The following PRDM14 variants were observed in gnomAD, a reference collection of about 807,000 sequenced individuals.
PRDM14 encodes PR/SET domain 14.
Under a neutral mutation model 48.0 loss-of-function variants are expected in PRDM14, and 16 were observed. That is an observed-to-expected ratio of 0.33 (90% CI 0.23 to 0.51). The LOEUF is 0.51. Ranked by LOEUF, PRDM14 falls within the 20% of genes least tolerant of loss-of-function variation. PRDM14 has a pLI of 0.97. For missense variants in PRDM14, 566 were observed against 719.6 expected (o/e 0.79, Z 2.44); for synonymous variants, 264 against 276.6 (o/e 0.95, Z 0.45).
At chr8:70,057,069 C>A (rs1276752580) in intron 6 of PRDM14, among the ~76,000 whole-genome samples, 4 of 151,026 alleles carry the variant, frequency 2.6e-5, no homozygotes, top group Admixed American at 6.6e-5. Flanking sequence ...AGGTTCACGC[C>A]ATTCTCCTGC....
chr8:70,053,261 G>A (rs1035679855), intron 7 of PRDM14, among the ~76,000 whole-genome samples: 4 of 152,148 alleles, frequency 2.6e-5, no homozygotes, highest in African/African-American at 9.7e-5. Flanking sequence ...AGAAAGAGAA[G>A]CTAATATCGA....
chr8:70,059,168 T>G (rs976373412), intron 5 of PRDM14, among the ~76,000 whole-genome samples: 1 of 152,178 alleles, frequency 6.6e-6, no homozygotes, highest in Non-Finnish European at 1.5e-5. Flanking sequence ...TTGGCCAGGC[T>G]GGTCTAGAAC....
chr8:70,067,525 A>C (rs1805689126), intron 4 of PRDM14, among the ~76,000 whole-genome samples: 2 of 146,198 alleles, frequency 1.4e-5, no homozygotes, highest in Non-Finnish European at 3.0e-5. Context: ...CTCAAGAAAA[A>C]AAAAACAAAA....
chr8:70,052,659 G>T (rs1318645076), intron 7 of PRDM14, among the ~76,000 whole-genome samples: 1 of 152,106 alleles, frequency 6.6e-6, no homozygotes, highest in Non-Finnish European at 1.5e-5. Flanking sequence ...GAGGTCAGGA[G>T]TTCGAGACCA....
intron 5 of PRDM14, among the ~76,000 whole-genome samples, chr8:70,059,854 G>T (rs1416976695): frequency 6.6e-6 from 1 of 152,038 alleles, no homozygotes; most frequent in Non-Finnish European, 1.5e-5. Flanking sequence ...AGCACTTTGG[G>T]AAGCTGAGGC....
At position 70,069,407 on chromosome 8, in the gene PRDM14, G is replaced by A. The variant is rs1318997409; in HGVS notation, c.454C>T (p.Pro152Ser). The stretch of plus-strand genomic sequence containing the variant: ...AACAGAGAAGCATCCGCAGGGGGCG[G>A]TGGAATTAAAGTGTCAGGTCCACAA... Reference protein sequence around the residue: ...PCCGPDTLIPPPPADASLLPE... With the variant: ...PCCGPDTLIPSPPADASLLPE... Residue 152 changes from proline to serine, a missense_variant, in exon 2 of 8, where the codon CCG becomes TCG. Transcript: ENST00000276594. 1.2e-6 allele frequency: 2 copies of A among 1,606,940 alleles called. No individual in the cohort carries two copies. Among genetic ancestry groups the A allele is most frequent in the South Asian group, 1.1e-5 (1 of 89,826 alleles).
chr8:70,054,427 C>T (rs1404419884), intron 7 of PRDM14, among the ~76,000 whole-genome samples: 1 of 152,006 alleles, frequency 6.6e-6, no homozygotes, highest in Admixed American at 6.6e-5. Flanking sequence ...AGTTCATGGA[C>T]TTGCTCAGGG....
At chr8:70,054,315 T>C (rs563438557) in intron 7 of PRDM14, among the ~76,000 whole-genome samples, 1 of 152,290 alleles carries the variant, frequency 6.6e-6, no homozygotes, top group African/African-American at 2.4e-5. Context: ...ACTTTTATGT[T>C]ATGCCAGGCA....
At chr8:70,060,495 A>G (rs528077245) in intron 5 of PRDM14, among the ~76,000 whole-genome samples, 1 of 152,234 alleles carries the variant, frequency 6.6e-6, no homozygotes, top group East Asian at 1.9e-4. Flanking sequence ...ATGTACTTAT[A>G]TATGCACATT....
At chr8:70,052,765 T>C (rs567654465) in intron 7 of PRDM14, among the ~76,000 whole-genome samples, 2 of 147,318 alleles carry the variant, frequency 1.4e-5, no homozygotes, top group East Asian at 2.0e-4. Flanking sequence ...CTCAGGAGGC[T>C]GAGATGGGAG....
rs116280836 is a variant in PRDM14 at position 70,062,681 on chromosome 8, T to G, written c.1183+3554A>C. On this transcript the variant is annotated intron_variant, in intron 5 of 7. Coordinates refer to ENST00000276594, the MANE Select transcript of PRDM14 (RefSeq NM_024504.4). ...GGGTTCCACCATGTTTGTCATGCTG[T>G]TCTCAAACTCCTGATCTCAGGTGAT... 5.6e-3 allele frequency among the ~76,000 whole-genome samples: 845 copies of G among 152,248 alleles called. 5 individuals are homozygous for G. The highest frequency in any genetic ancestry group is 0.02 in the African/African-American group (811 of 41,546).
Position 70,069,418 on chromosome 8 carries a change from G to A in PRDM14, c.443C>T (p.Thr148Ile). 2.5e-6 allele frequency: 4 copies of A among 1,602,592 alleles called. No homozygotes were observed. Among genetic ancestry groups the A allele is most frequent in the African/African-American group, 1.3e-5 (1 of 74,844 alleles). The change falls in exon 2 of 8, where the codon ACT (threonine) becomes ATT (isoleucine). Residue 148 changes from threonine (T) to isoleucine (I), a missense_variant. Transcript: ENST00000276594. ...NESGPCCGPD[T>I]LIPPPPADAS... ...ATCCGCAGGGGGCGGTGGAATTAAA[G>A]TGTCAGGTCCACAACACGGGCCACT...
chr8:70,068,092 G>T, intron 4 of PRDM14, 138 bp downstream of exon 4: 1 of 931,242 alleles, frequency 1.1e-6, no homozygotes, highest in Non-Finnish European at 1.6e-6. Context: ...CCTTTTACAG[G>T]CAACACAAAC....
At chr8:70,066,739 T>C (rs1805676067) in intron 4 of PRDM14, among the ~76,000 whole-genome samples, 1 of 152,176 alleles carries the variant, frequency 6.6e-6, no homozygotes, top group Non-Finnish European at 1.5e-5. Flanking sequence ...TGTTTGTTTT[T>C]TTCAGAGACA....
intron 5 of PRDM14, among the ~76,000 whole-genome samples, chr8:70,064,735 C>T (rs1805639173): frequency 6.6e-6 from 1 of 151,812 alleles, no homozygotes; most frequent in African/African-American, 2.4e-5. Context: ...CCGTGTTAGC[C>T]AGGATGGCTA....
In PRDM14 at chr8:70,068,362, A is replaced by G; in HGVS notation, c.780T>C (p.Phe260=). ...ACACACCAAAATGTGGGACTTCACC[A>G]AACACCGTCTGCATGAGGCATAGAC... is the stretch of plus-strand genomic sequence containing the variant. ...PEGLCLMQTV[F]GEVPHFGVFC... is the part of the protein sequence containing the mutation. Residue 260 remains phenylalanine, a synonymous_variant, in exon 4 of 8, where the codon TTT becomes TTC. Transcript: ENST00000276594. 1 of 1,614,220 alleles carries G rather than the reference A, an allele frequency of 6.2e-7. No homozygotes were observed. The highest frequency in any genetic ancestry group is 2.2e-5 in the East Asian group (1 of 44,890).
chr8:70,058,797 G>C lies in PRDM14; in HGVS notation c.1229C>G (p.Thr410Ser), dbSNP rs1457475966. Reference sequence around the variant, plus strand: ...GTGCTTATCTCTGTAATATTTGTAGGTAAATACCTTCCCACATCTTTCACA... The same window carrying C: ...GTGCTTATCTCTGTAATATTTGTAGCTAAATACCTTCCCACATCTTTCACA... ...YRCERCGKVF[T>S]YKYYRDKHLK... The change falls in exon 6 of 8, where the codon ACC becomes AGC. Residue 410 changes from threonine (T) to serine (S), a missense_variant. This residue lies in a region of PRDM14 where 126 missense variants were observed against 271.6 expected (regional missense o/e 0.46). Coordinates refer to ENST00000276594, the MANE Select transcript of PRDM14 (RefSeq NM_024504.4). 3 of 1,614,098 alleles carry C rather than the reference G, an allele frequency of 1.9e-6. No individual in the cohort carries two copies. The highest frequency in any genetic ancestry group is 2.5e-6 in the Non-Finnish European group (3 of 1,179,988).
chr8:70,068,298 GC>G lies in PRDM14; in HGVS notation c.843del (p.Gln284LysfsTer10). 6.2e-7 allele frequency: 1 copy of G among 1,614,142 alleles called. No homozygotes were observed. The highest frequency in any genetic ancestry group is 8.5e-7 in the Non-Finnish European group (1 of 1,180,022). ...GCATTGACCACTTTACCTTGAAAGG[GC>G]CCAAACCTGACTCCTTTGGCGATAA... is the stretch of plus-strand genomic sequence containing the variant. ...SSFIAKGVRF[G>X]PFQGKVVNAS... On this transcript the variant is annotated frameshift_variant, in exon 4 of 8. Coordinates refer to ENST00000276594, the MANE Select transcript of PRDM14 (RefSeq NM_024504.4). LOFTEE classifies it high-confidence loss of function.
rs141945720 is a variant in PRDM14 at position 70,066,669 on chromosome 8, A to T, written c.913-164T>A. Reference sequence around the variant, plus strand: ...TTACAAGTAGTTTATAAATTTACTTATGCCAACATAGATTTGTTAGTTTAA... The same window carrying T: ...TTACAAGTAGTTTATAAATTTACTTTTGCCAACATAGATTTGTTAGTTTAA... On this transcript the variant is annotated intron_variant, in intron 4 of 7. Coordinates refer to ENST00000276594, the MANE Select transcript of PRDM14 (RefSeq NM_024504.4). 7.4e-3 allele frequency among the ~76,000 whole-genome samples: 1,132 copies of T among 152,332 alleles called. 6 individuals are homozygous for T. Among genetic ancestry groups the T allele is most frequent in the Middle Eastern group, 0.017 (5 of 294 alleles).
Sources: gnomAD v4.1 joint callset for allele counts (sites outside exome capture counted in the v4.1 genomes callset) on GRCh38, gnomAD v4.1.1 for gene constraint, gnomAD v4.1.1 regional missense constraint, MANE v1.5 for transcripts, NCBI Gene and HGNC (gene_info 2026-07-23, HGNC 2026-07-21) for gene names.